CDKL3: variants seen among roughly 807,000 people sequenced by gnomAD.
The protein encoded by CDKL3 is cyclin dependent kinase like 3, also known as cyclin-dependent kinase-like 3.
CDKL3 carries 65 observed loss-of-function variants against 69.3 expected under a neutral mutation model. That is an observed-to-expected ratio of 0.94 (90% CI 0.77 to 1.15). The LOEUF is 1.15. Ranked by LOEUF, CDKL3 falls within the 50% of genes most tolerant of loss-of-function variation. The pLI is 0.00. For synonymous variants in CDKL3, 202 were observed against 221.6 expected, an observed-to-expected ratio of 0.91 and a Z score of 0.79; for missense variants, 652 against 689.2, an observed-to-expected ratio of 0.95 and a Z score of 0.61.
chr5:134,370,986 C>G (rs926035682), upstream of CDKL3: 1 of 163,284 alleles, frequency 6.1e-6, no homozygotes, highest in Non-Finnish European at 1.3e-5. Context: ...CTCTTAAACC[C>G]GCTTCACAGA....
chr5:134,304,313 ACC>A (rs1767163991), intron 11 of CDKL3, 90 bp downstream of exon 11: 1 of 1,022,808 alleles, frequency 9.8e-7, no homozygotes. Context: ...ACTATTTTCT[ACC>A]TAAATCACAC....
chr5:134,315,477 G>A (rs1770779108), intron 6 of CDKL3, among the ~76,000 whole-genome samples: 1 of 151,978 alleles, frequency 6.6e-6, no homozygotes, highest in Non-Finnish European at 1.5e-5. Context: ...GACTACAAGT[G>A]GGTATCACGA....
chr5:134,346,891 AAATT>A (rs1287855971), intron 4 of CDKL3, among the ~76,000 whole-genome samples: 5 of 152,200 alleles, frequency 3.3e-5, no homozygotes, highest in Non-Finnish European at 5.9e-5. Context: ...ATTTCTAAAA[AAATT>A]AATTAGTTGC....
chr5:134,332,762 G>T (rs538460439), intron 4 of CDKL3, among the ~76,000 whole-genome samples: 1 of 152,326 alleles, frequency 6.6e-6, no homozygotes, highest in African/African-American at 2.4e-5. Context: ...GCTTAGGATT[G>T]TCTTGGCTAT....
At chr5:134,307,636 C>T (rs1768231610) in intron 9 of CDKL3, among the ~76,000 whole-genome samples, 1 of 152,200 alleles carries the variant, frequency 6.6e-6, no homozygotes, top group African/African-American at 2.4e-5. Flanking sequence ...ATTAACCAGA[C>T]TCATGGACCA....
chr5:134,287,831 T>C (rs1764935860), intron 8 of CDKL3, among the ~76,000 whole-genome samples: 1 of 152,088 alleles, frequency 6.6e-6, no homozygotes, highest in Non-Finnish European at 1.5e-5. Flanking sequence ...AAAACCTGGA[T>C]CTGCCTAAAT....
At chr5:134,348,595 G>T (rs532355198) in intron 4 of CDKL3, among the ~76,000 whole-genome samples, 136 of 152,088 alleles carry the variant, frequency 8.9e-4, no homozygotes, top group African/African-American at 3.2e-3. Context: ...AAAAGAGCTA[G>T]AGAAAGAACT....
intron 12 of CDKL3, among the ~76,000 whole-genome samples, chr5:134,300,144 G>A (rs1310917330): frequency 2.0e-5 from 3 of 152,110 alleles, no homozygotes; most frequent in Non-Finnish European, 2.9e-5. Flanking sequence ...TTCGAGACCA[G>A]CCTGGACAAC....
chr5:134,330,022 T>A (rs1298664608), intron 4 of CDKL3, among the ~76,000 whole-genome samples: 1 of 149,476 alleles, frequency 6.7e-6, no homozygotes, highest in Non-Finnish European at 1.5e-5. Flanking sequence ...AAAAAAAAAA[T>A]TAATAATAAT....
chr5:134,329,519 G>C (rs185275712), intron 4 of CDKL3, among the ~76,000 whole-genome samples: 224 of 151,208 alleles, frequency 1.5e-3, no homozygotes, highest in African/African-American at 5.2e-3. Flanking sequence ...TGTCGCCCAG[G>C]CTGGAATGCA....
At chr5:134,296,955 T>TTC (rs36103834), downstream of CDKL3, among the ~76,000 whole-genome samples, 2 of 148,482 alleles carry the variant, frequency 1.3e-5, no homozygotes, top group Non-Finnish European at 3.0e-5. Context: ...TTCTTTTCTT[T>TTC]TTTTTTTTTT....
At chr5:134,342,324 T>C (rs191555260) in intron 4 of CDKL3, among the ~76,000 whole-genome samples, 1 of 152,036 alleles carries the variant, frequency 6.6e-6, no homozygotes, top group Admixed American at 6.5e-5. Context: ...GGAAGCCGGG[T>C]GCGGTGGCTC....
intron 2 of CDKL3, 53 bp from the exon 3 acceptor site, chr5:134,360,144 T>C (rs1343941103): frequency 8.4e-7 from 1 of 1,191,398 alleles, no homozygotes; most frequent in Non-Finnish European, 1.2e-6. Flanking sequence ...CCTAACAATT[T>C]GTACATATAA....
At chr5:134,291,705 C>T (rs1415281049) in intron 8 of CDKL3, among the ~76,000 whole-genome samples, 1 of 150,630 alleles carries the variant, frequency 6.6e-6, no homozygotes, top group Non-Finnish European at 1.5e-5. Context: ...ACCTGGGAGG[C>T]AGAGGTTGCA....
intron 4 of CDKL3, among the ~76,000 whole-genome samples, chr5:134,337,034 G>A (rs187715598): frequency 1.1e-3 from 166 of 152,236 alleles, no homozygotes; most frequent in Middle Eastern, 0.01. Context: ...GCATAGAACC[G>A]CCTACTCAAG....
At chr5:134,367,277 G>C, upstream of CDKL3, 1 of 985,206 alleles carries the variant, frequency 1.0e-6, no homozygotes, top group Non-Finnish European at 1.2e-6. Flanking sequence ...AGAGTGCTGT[G>C]CTTGGGAATG....
intron 10 of CDKL3, among the ~76,000 whole-genome samples, chr5:134,305,107 C>CTTATTA (rs371619293): frequency 1.2e-3 from 182 of 150,010 alleles, no homozygotes; most frequent in African/African-American, 3.4e-3. Context: ...TGCATCTGGC[C>CTTATTA]TTATTATTAT....
At chr5:134,284,289 C>T (rs546460239), downstream of CDKL3, among the ~76,000 whole-genome samples, 2 of 152,136 alleles carry the variant, frequency 1.3e-5, no homozygotes, top group African/African-American at 2.4e-5. Context: ...GGTGACATCA[C>T]CTATTGGTAG....
chr5:134,354,143 TC>T (rs1448027865), intron 3 of CDKL3, among the ~76,000 whole-genome samples: 6 of 152,088 alleles, frequency 3.9e-5, no homozygotes, highest in African/African-American at 1.4e-4. Context: ...AATCTGCACT[TC>T]CCCCTTCATA....
Sources: allele counts gnomAD v4.1 joint callset (sites outside exome capture counted in the v4.1 genomes callset), GRCh38; gene constraint gnomAD v4.1.1; transcripts MANE v1.5; gene names NCBI Gene and HGNC (gene_info 2026-07-23, HGNC 2026-07-21).